The following RYR2 variants were observed in gnomAD, a reference collection of about 807,000 sequenced individuals.
RYR2 encodes ryanodine receptor 2.
In RYR2, 227 loss-of-function variants were observed where a neutral mutation model predicts 601.1. That is an observed-to-expected ratio of 0.38 (90% CI 0.34 to 0.42). The LOEUF is 0.42. Ranked by LOEUF, RYR2 falls within the 10% of genes least tolerant of loss-of-function variation. The pLI is 1.00. For missense variants in RYR2, 4,646 were observed against 6,156.5 expected (o/e 0.75, Z 8.21); for synonymous variants, 2,223 against 2,175.1 (o/e 1.02, Z -0.61).
At chr1:237,419,312 C>T (rs1234993796) in intron 11 of RYR2, among the ~76,000 whole-genome samples, 1 of 151,114 alleles carries the variant, frequency 6.6e-6, no homozygotes, top group Non-Finnish European at 1.5e-5. Context: ...AAAAAAAAAA[C>T]ATGAAAGCTT....
At chr1:237,213,123 A>T (rs694200) in intron 1 of RYR2, among the ~76,000 whole-genome samples, 56,548 of 136,774 alleles carry the variant, frequency 0.41, 12,655 homozygotes, top group Admixed American at 0.52. Context: ...TAGTTTTTTT[A>T]AAAAAAGCAA....
At chr1:237,807,236 G>C (rs1660730401) in intron 99 of RYR2, among the ~76,000 whole-genome samples, 1 of 152,202 alleles carries the variant, frequency 6.6e-6, no homozygotes, top group Non-Finnish European at 1.5e-5. Context: ...TGAGCTCCCA[G>C]GATATGCAGT....
chr1:237,795,731 A>G (rs1276541783), intron 96 of RYR2, among the ~76,000 whole-genome samples: 1 of 151,686 alleles, frequency 6.6e-6, no homozygotes, highest in Non-Finnish European at 1.5e-5. Flanking sequence ...GATTAAAGGC[A>G]TGAGCCACCA....
chr1:237,595,416 A>G (rs572154759), intron 33 of RYR2, 82 bp from the exon 34 acceptor site: 10 of 1,509,846 alleles, frequency 6.6e-6, no homozygotes, highest in Admixed American at 2.2e-5. Context: ...TGCGCAGCAT[A>G]ATTTAGTTAG....
chr1:237,390,620 G>A (rs1285103049), intron 10 of RYR2, among the ~76,000 whole-genome samples: 1 of 152,178 alleles, frequency 6.6e-6, no homozygotes, highest in Non-Finnish European at 1.5e-5. Context: ...GAATGGCAGA[G>A]CATAGACTTT....
At position 237,469,076 on chromosome 1, in the gene RYR2, ATTTC is replaced by A. The variant is rs769646235; in HGVS notation, c.1613-13_1613-10del. Reference sequence around the variant, plus strand: ...AGAAAATCACATAAAGGTGAAATCTATTTCTTCTTTTGCAGCGGCTCTAATTAGA... The same window carrying A: ...AGAAAATCACATAAAGGTGAAATCTATTCTTTTGCAGCGGCTCTAATTAGA... On this transcript the variant is annotated splice_polypyrimidine_tract_variant and intron_variant, in intron 16 of 104. Transcript: ENST00000366574. 1.2e-6 allele frequency: 2 copies of A among 1,608,040 alleles called. No homozygotes were observed. Among genetic ancestry groups the A allele is most frequent in the African/African-American group, 2.7e-5 (2 of 74,856 alleles).
intron 1 of RYR2, among the ~76,000 whole-genome samples, chr1:237,210,384 G>T (rs1028483635): frequency 2.0e-5 from 3 of 151,526 alleles, no homozygotes; most frequent in African/African-American, 7.3e-5. Flanking sequence ...TTTAACAAAG[G>T]TCTGTTTTTT....
At chr1:237,366,988 A>G (rs775246223) in intron 5 of RYR2, among the ~76,000 whole-genome samples, 1 of 152,210 alleles carries the variant, frequency 6.6e-6, no homozygotes, top group Admixed American at 6.5e-5. Flanking sequence ...AGTGCTCTCT[A>G]AAGACAGCCT....
At chr1:237,423,290 G>C (rs368352932) in intron 12 of RYR2, 42 bp downstream of exon 12, 5 of 1,584,542 alleles carry the variant, frequency 3.2e-6, no homozygotes, top group African/African-American at 2.7e-5. Flanking sequence ...AATGTTACCC[G>C]GTCATATTTC....
rs192284428 is a variant in RYR2, at chr1:237,342,935, G to C, written c.273+11953G>C. 4.6e-5 allele frequency among the ~76,000 whole-genome samples: 7 copies of C among 152,308 alleles called. No homozygotes were observed. The East Asian group carries it at 1.4e-3, about 29-fold the overall frequency. On this transcript the variant is annotated intron_variant, in intron 3 of 104. Transcript: ENST00000366574. ...GACAAAAGAGAAAAGTAGGCCAGGC[G>C]CTGTGGCCCACGCCTGTAATGCAAG... is the stretch of plus-strand genomic sequence containing the variant.
chr1:237,585,321 G>A (rs1460587021), intron 29 of RYR2, among the ~76,000 whole-genome samples: 1 of 152,118 alleles, frequency 6.6e-6, no homozygotes, highest in Non-Finnish European at 1.5e-5. Context: ...TGTGGAAAAT[G>A]GTAATAACGA....
chr1:237,476,755 A>G (rs1210062112), intron 17 of RYR2, among the ~76,000 whole-genome samples: 1 of 152,120 alleles, frequency 6.6e-6, no homozygotes, highest in African/African-American at 2.4e-5. Flanking sequence ...TTCCTCCTTG[A>G]TATTTACTTA....
intron 10 of RYR2, among the ~76,000 whole-genome samples, chr1:237,390,643 G>T (rs1702300554): frequency 6.6e-6 from 1 of 152,118 alleles, no homozygotes; most frequent in African/African-American, 2.4e-5. Flanking sequence ...AGGAAGAGAG[G>T]CCAGACTGGA....
chr1:237,535,325 G>A (rs957757309), intron 25 of RYR2, among the ~76,000 whole-genome samples: 9 of 152,024 alleles, frequency 5.9e-5, no homozygotes, highest in Admixed American at 2.0e-4. Flanking sequence ...AATTTTGTTA[G>A]CAAACTTAGG....
chr1:237,119,187 G>C (rs1055431108), intron 1 of RYR2, among the ~76,000 whole-genome samples: 1 of 152,176 alleles, frequency 6.6e-6, no homozygotes, highest in South Asian at 2.1e-4. Flanking sequence ...AAGAGACACC[G>C]GGAGGGTGTG....
intron 63 of RYR2, among the ~76,000 whole-genome samples, chr1:237,698,692 C>T (rs962178152): frequency 1.2e-4 from 12 of 102,554 alleles, no homozygotes; most frequent in Non-Finnish European, 2.8e-4. Context: ...TTGAAAACCT[C>T]GGTTAAAACT....
chr1:237,379,744 G>A (rs1283451339), intron 8 of RYR2, among the ~76,000 whole-genome samples: 1 of 152,112 alleles, frequency 6.6e-6, no homozygotes, highest in Non-Finnish European at 1.5e-5. Flanking sequence ...AGCCTCCCGA[G>A]TGGCTGGGAC....
At chr1:237,800,930 A>AAAAT (rs1480403136) in intron 97 of RYR2, among the ~76,000 whole-genome samples, 3 of 152,304 alleles carry the variant, frequency 2.0e-5, no homozygotes, top group African/African-American at 4.8e-5. Flanking sequence ...GACAATGTGG[A>AAAAT]AAATAATAAT....
At chr1:237,629,485 T>C (rs1168630576) in intron 41 of RYR2, among the ~76,000 whole-genome samples, 1 of 151,608 alleles carries the variant, frequency 6.6e-6, no homozygotes, top group Non-Finnish European at 1.5e-5. Context: ...AACATAAAAA[T>C]GTAGAATTCT....
Sources: gnomAD v4.1 joint callset for allele counts (sites outside exome capture counted in the v4.1 genomes callset) on GRCh38, gnomAD v4.1.1 for gene constraint, MANE v1.5 for transcripts, NCBI Gene and HGNC (gene_info 2026-07-23, HGNC 2026-07-21) for gene names.